The following SLC47A1 variants were observed in gnomAD, a reference collection of about 807,000 sequenced individuals.
SLC47A1 encodes the protein solute carrier family 47 member 1.
A neutral mutation model predicts 65.8 loss-of-function variants in SLC47A1; 58 were observed. That is an observed-to-expected ratio of 0.88 (90% CI 0.71 to 1.10). The LOEUF (loss-of-function observed/expected upper bound fraction) is 1.10, where lower values mean the gene tolerates loss of function less well. SLC47A1 is among the 50% of genes least tolerant of loss of function. SLC47A1 has a pLI of 0.00. For missense variants in SLC47A1, 706 were observed against 719.2 expected, an observed-to-expected ratio of 0.98 and a Z score of 0.21; for synonymous variants, 285 against 295.0, an observed-to-expected ratio of 0.97 and a Z score of 0.35.
intron 16 of SLC47A1, among the ~76,000 whole-genome samples, chr17:19,575,271 C>T (rs1187734690): frequency 6.6e-6 from 1 of 152,108 alleles, no homozygotes; most frequent in African/African-American, 2.4e-5. Context: ...GAGGATATTG[C>T]TACATTCCTA....
intron 15 of SLC47A1, 102 bp from the exon 16 acceptor site, chr17:19,572,678 C>A: frequency 9.8e-7 from 1 of 1,021,408 alleles, no homozygotes; most frequent in Non-Finnish European, 1.5e-6. Flanking sequence ...GCTATACATG[C>A]CAATTAAGGA....
chr17:19,547,347 CTT>C lies in SLC47A1; in HGVS notation c.307-621_307-620del, dbSNP rs34710264. Among the ~76,000 whole-genome samples, 114 of 115,016 alleles carry C rather than the reference CTT, an allele frequency of 9.9e-4. 1 individual carries two copies. The highest frequency in any genetic ancestry group is 2.2e-3 in the African/African-American group (66 of 30,380). The allele number at this position is 115,016 out of a possible 152,430, so 75.5% of individuals were successfully genotyped here. On this transcript the variant is annotated intron_variant, in intron 3 of 16. Transcript: ENST00000270570. ...GCATGAGCCACAATGCCCAGCCTGG[CTT>C]TTTTTTTTTTTTTTTTGAGATGGAC... is the stretch of plus-strand genomic sequence containing the variant.
chr17:19,552,311 G>A (rs1293828488), intron 6 of SLC47A1, among the ~76,000 whole-genome samples: 2 of 152,178 alleles, frequency 1.3e-5, no homozygotes, highest in East Asian at 1.9e-4. Context: ...CAAAAGTGCT[G>A]GACTTACAGG....
chr17:19,574,619 C>T (rs375310775), intron 16 of SLC47A1, among the ~76,000 whole-genome samples: 3 of 152,220 alleles, frequency 2.0e-5, no homozygotes, highest in South Asian at 2.1e-4. Context: ...TTGTGAAATC[C>T]GCATAACAAT....
chr17:19,542,270 G>C (rs1247222688), intron 1 of SLC47A1, 123 bp from the exon 2 acceptor site: 5 of 521,842 alleles, frequency 9.6e-6, no homozygotes, highest in South Asian at 4.5e-5. Context: ...GGTGGCAGAG[G>C]CTCACTGAAG....
At chr17:19,537,964 T>A (rs929446024) in intron 1 of SLC47A1, among the ~76,000 whole-genome samples, 2 of 152,240 alleles carry the variant, frequency 1.3e-5, no homozygotes, top group Non-Finnish European at 2.9e-5. Context: ...AAACCTTCTC[T>A]GAATTCTCTG....
chr17:19,576,017 T>C lies in SLC47A1; in HGVS notation c.1487-1310T>C, dbSNP rs534601675. ...AGTAAATGAGTACTAGGGAAAATGA[T>C]TGAATATTTTGCAGAATGAATGGAT... On this transcript the variant is annotated intron_variant, in intron 16 of 16. Coordinates refer to ENST00000270570, the MANE Select transcript of SLC47A1 (RefSeq NM_018242.3). 1.9e-4 allele frequency among the ~76,000 whole-genome samples: 29 copies of C among 152,008 alleles called. 2 individuals carry two copies. In the South Asian group the frequency reaches 5.9e-3, roughly 31 times the overall value.
chr17:19,562,438 G>A (rs532072520), intron 12 of SLC47A1, among the ~76,000 whole-genome samples: 6 of 152,092 alleles, frequency 3.9e-5, no homozygotes, highest in Non-Finnish European at 7.4e-5. Flanking sequence ...GGTGAGGCAC[G>A]CCTGCAATCC....
chr17:19,543,440 C>T (rs570094783), intron 2 of SLC47A1, among the ~76,000 whole-genome samples: 2 of 151,962 alleles, frequency 1.3e-5, no homozygotes, highest in Non-Finnish European at 2.9e-5. Context: ...CCATGGAACT[C>T]GTTCCCACTC....
intron 14 of SLC47A1, among the ~76,000 whole-genome samples, chr17:19,567,545 G>A (rs1282060334): frequency 2.0e-5 from 3 of 152,194 alleles, no homozygotes; most frequent in East Asian, 3.8e-4. Flanking sequence ...GGAGGCAACA[G>A]CAGGGACCGC....
rs1180263887 is a variant in SLC47A1, at chr17:19,547,716, CTT to C, written c.307-246_307-245del. 8.6e-4 allele frequency among the ~76,000 whole-genome samples: 59 copies of C among 68,572 alleles called. No individual in the cohort carries two copies. In the East Asian group the frequency reaches 0.016, roughly 18 times the overall value. 45.0% of individuals were successfully genotyped at this position (68,572 alleles called of 152,430 possible). On this transcript the variant is annotated intron_variant, in intron 3 of 16. Coordinates refer to ENST00000270570, the MANE Select transcript of SLC47A1 (RefSeq NM_018242.3). ...GCAAAGTGTCTAGGGCCATGGGCTT[CTT>C]TTTTTTTTTTTTTTTTTTTTTTGAG...
At chr17:19,543,592 A>C (rs1916210853) in intron 2 of SLC47A1, among the ~76,000 whole-genome samples, 2 of 152,166 alleles carry the variant, frequency 1.3e-5, no homozygotes, top group Non-Finnish European at 2.9e-5. Context: ...TGGAAGGTAA[A>C]AATCTAGATC....
At chr17:19,548,248 C>A in intron 4 of SLC47A1, 115 bp downstream of exon 4, 2 of 1,312,320 alleles carry the variant, frequency 1.5e-6, no homozygotes, top group Non-Finnish European at 2.1e-6. Flanking sequence ...GCTCATCTCT[C>A]CTTGGCTGAC....
In SLC47A1 at chr17:19,556,073, G is replaced by A. The variant is rs1324481224; in HGVS notation, c.921+11G>A. 6.2e-7 allele frequency: 1 copy of A among 1,613,516 alleles called. No individual in the cohort carries two copies. Among genetic ancestry groups the A allele is most frequent in the Non-Finnish European group, 8.5e-7 (1 of 1,179,992 alleles). ...ATCATTGTGTACATGGTAAGCAGGG[G>A]AGCCGATCATGGGGAGGTGCCAGGC... On this transcript the variant is annotated intron_variant, in intron 10 of 16. Transcript: ENST00000270570.
chr17:19,535,880 A>T (rs1485265893), intron 1 of SLC47A1, among the ~76,000 whole-genome samples: 1 of 152,216 alleles, frequency 6.6e-6, no homozygotes, highest in Admixed American at 6.5e-5. Flanking sequence ...ATTCATTTGT[A>T]AAATGGAGAT....
intron 1 of SLC47A1, 22 bp downstream of exon 1, chr17:19,534,096 G>A: frequency 6.6e-7 from 1 of 1,513,434 alleles, no homozygotes; most frequent in Non-Finnish European, 8.9e-7. Flanking sequence ...GGCCTCAGTG[G>A]CAGGCCGGTA....
At chr17:19,577,244 C>T in intron 16 of SLC47A1, 83 bp from the exon 17 acceptor site, 1 of 1,542,952 alleles carries the variant, frequency 6.5e-7, no homozygotes, top group Non-Finnish European at 8.8e-7. Context: ...CCACTATTAG[C>T]ACATATTCCT....
At chr17:19,546,545 C>A in intron 3 of SLC47A1, 42 bp downstream of exon 3, 1 of 1,592,988 alleles carries the variant, frequency 6.3e-7, no homozygotes, top group Non-Finnish European at 8.6e-7. Flanking sequence ...CCTCAAACAT[C>A]TTTTCTCAAG....
In SLC47A1 at chr17:19,549,230, G is replaced by A. The variant is rs182425024; in HGVS notation, c.456-405G>A. ...GTTTTTTTTTTTGAGATGGAGTCTC[G>A]CCCTGTTGCCCAGGCTGGAGTGCAA... On this transcript the variant is annotated intron_variant, in intron 4 of 16. Coordinates refer to ENST00000270570, the MANE Select transcript of SLC47A1 (RefSeq NM_018242.3). Among the ~76,000 whole-genome samples, 87 of 150,606 alleles carry A rather than the reference G, an allele frequency of 5.8e-4. 1 individual carries two copies. The East Asian group carries it at 0.013, about 23-fold the overall frequency.
Sources: gnomAD v4.1 joint callset for allele counts (sites outside exome capture counted in the v4.1 genomes callset) on GRCh38, gnomAD v4.1.1 for gene constraint, MANE v1.5 for transcripts, NCBI Gene and HGNC (gene_info 2026-07-23, HGNC 2026-07-21) for gene names.